The following CACNA2D3 variants were observed in gnomAD, a reference collection of about 807,000 sequenced individuals.
CACNA2D3 encodes the protein voltage-dependent calcium channel subunit alpha-2/delta-3.
A neutral mutation model predicts 160.6 loss-of-function variants in CACNA2D3; 60 were observed. The ratio of observed to expected loss-of-function variants is 0.37; its 90% CI spans 0.30 to 0.46. CACNA2D3 has a LOEUF of 0.46. Ranked by LOEUF, CACNA2D3 falls within the 20% of genes least tolerant of loss-of-function variation. CACNA2D3 has a pLI of 1.00. For synonymous variants in CACNA2D3, 558 were observed against 492.9 expected (o/e 1.13, Z -1.75); for missense variants, 1,205 against 1,365.0 (o/e 0.88, Z 1.85).
At chr3:54,565,588 G>A (rs1009704007) in intron 6 of CACNA2D3, among the ~76,000 whole-genome samples, 1 of 152,114 alleles carries the variant, frequency 6.6e-6, no homozygotes, top group African/African-American at 2.4e-5. Flanking sequence ...GGCCACACAG[G>A]GGTAGTGAGC....
chr3:54,431,901 C>T (rs1211365479), intron 4 of CACNA2D3, among the ~76,000 whole-genome samples: 1 of 152,198 alleles, frequency 6.6e-6, no homozygotes, highest in East Asian at 1.9e-4. Flanking sequence ...AGCCACCACA[C>T]CTGGCCGACT....
intron 35 of CACNA2D3, among the ~76,000 whole-genome samples, chr3:55,020,617 A>G (rs769050720): frequency 2.6e-5 from 4 of 152,020 alleles, no homozygotes; most frequent in Non-Finnish European, 4.4e-5. Flanking sequence ...TGGGAGGCCA[A>G]GGCGGGTGTA....
chr3:54,914,113 A>G (rs2106914035), intron 27 of CACNA2D3, among the ~76,000 whole-genome samples: 1 of 152,306 alleles, frequency 6.6e-6, no homozygotes, highest in Non-Finnish European at 1.5e-5. Context: ...AACTGCATTT[A>G]TAAGTCTGCA....
chr3:54,682,258 A>G (rs929026505), intron 11 of CACNA2D3, among the ~76,000 whole-genome samples: 1 of 152,336 alleles, frequency 6.6e-6, no homozygotes, highest in Non-Finnish European at 1.5e-5. Context: ...AAGGAAACAG[A>G]GGCATAATTA....
chr3:54,798,916 G>A (rs569246626), intron 13 of CACNA2D3, among the ~76,000 whole-genome samples: 1 of 152,306 alleles, frequency 6.6e-6, no homozygotes, highest in South Asian at 2.1e-4. Flanking sequence ...TTACTCAGCT[G>A]CCTGAACTCT....
intron 35 of CACNA2D3, among the ~76,000 whole-genome samples, chr3:55,073,137 C>T (rs914809444): frequency 6.6e-6 from 1 of 152,130 alleles, no homozygotes; most frequent in Admixed American, 6.5e-5. Flanking sequence ...AGTCTGACCT[C>T]TTAAACCTTG....
At chr3:54,648,954 A>G (rs1475472043) in intron 11 of CACNA2D3, among the ~76,000 whole-genome samples, 1 of 152,176 alleles carries the variant, frequency 6.6e-6, no homozygotes, top group East Asian at 1.9e-4. Context: ...CAACCCCATG[A>G]CCCAAACACC....
chr3:54,239,271 G>A (rs187393190), intron 2 of CACNA2D3, among the ~76,000 whole-genome samples: 5 of 152,296 alleles, frequency 3.3e-5, no homozygotes, highest in Non-Finnish European at 5.9e-5. Flanking sequence ...AACTCTGTAA[G>A]CAAGAATGCA....
rs1376915165 is a variant in CACNA2D3 at position 54,420,797 on chromosome 3, G to C, written c.381+34023G>C. Reference sequence around the variant, plus strand: ...GTGCTGCACCTGGGATGCAAAATTAGCTGAGTTTGTTGTTGTTTGTTTTTT... The same window carrying C: ...GTGCTGCACCTGGGATGCAAAATTACCTGAGTTTGTTGTTGTTTGTTTTTT... On this transcript the variant is annotated intron_variant, in intron 4 of 37. Transcript: ENST00000474759. Among the ~76,000 whole-genome samples, 3 of 152,224 alleles carry C rather than the reference G, an allele frequency of 2.0e-5. No individual in the cohort carries two copies. The East Asian group carries it at 5.8e-4, about 29-fold the overall frequency.
At chr3:54,726,597 G>A (rs892307266) in intron 11 of CACNA2D3, among the ~76,000 whole-genome samples, 2 of 151,954 alleles carry the variant, frequency 1.3e-5, no homozygotes, top group Admixed American at 6.6e-5. Context: ...CAGAGGCCTC[G>A]GAAATAACAC....
chr3:54,918,903 C>T, intron 27 of CACNA2D3: 2 of 1,515,734 alleles, frequency 1.3e-6, no homozygotes. Context: ...CTTTAAAAAA[C>T]AAAAGCAAAG....
chr3:54,485,168 A>G (rs1264625087), intron 4 of CACNA2D3, among the ~76,000 whole-genome samples: 2 of 152,160 alleles, frequency 1.3e-5, no homozygotes, highest in African/African-American at 2.4e-5. Context: ...AATTTTAAAT[A>G]CAGTTTACTA....
intron 13 of CACNA2D3, among the ~76,000 whole-genome samples, chr3:54,766,953 C>A (rs1043733903): frequency 2.0e-5 from 3 of 149,128 alleles, no homozygotes; most frequent in Admixed American, 1.3e-4. Flanking sequence ...AAAGAAAAAG[C>A]AAAAACAAGA....
rs924965647 is a variant in CACNA2D3 at position 54,272,123 on chromosome 3, T to C, written c.205-48319T>C. ...CACATACCTTCCCATATCCATGGGC[T>C]ACAGCTGGACATGGCCCCGCCACCC... On this transcript the variant is annotated intron_variant, in intron 2 of 37. Coordinates refer to ENST00000474759, the MANE Select transcript of CACNA2D3 (RefSeq NM_018398.3). 1.8e-4 allele frequency among the ~76,000 whole-genome samples: 27 copies of C among 152,290 alleles called. 2 individuals carry two copies. The South Asian group carries it at 3.3e-3, about 19-fold the overall frequency.
intron 21 of CACNA2D3, among the ~76,000 whole-genome samples, chr3:54,881,431 C>T (rs775268539): frequency 3.3e-5 from 5 of 152,164 alleles, no homozygotes; most frequent in Non-Finnish European, 5.9e-5. Context: ...TTCCCAGACC[C>T]TCTTATCTTC....
At chr3:54,523,453 C>T (rs753995783) in intron 5 of CACNA2D3, among the ~76,000 whole-genome samples, 18 of 152,100 alleles carry the variant, frequency 1.2e-4, no homozygotes, top group Non-Finnish European at 2.1e-4. Context: ...GTTAGTATGA[C>T]GTTTTTGCAG....
At chr3:54,993,047 G>C (rs1702776791) in intron 31 of CACNA2D3, among the ~76,000 whole-genome samples, 1 of 152,152 alleles carries the variant, frequency 6.6e-6, no homozygotes. Flanking sequence ...GCAGTACCAA[G>C]GGGGGAAATC....
chr3:55,061,382 T>C (rs1559477078), intron 35 of CACNA2D3, among the ~76,000 whole-genome samples: 1 of 152,174 alleles, frequency 6.6e-6, no homozygotes, highest in Non-Finnish European at 1.5e-5. Flanking sequence ...GAGCCATGCT[T>C]ATGGCTTCTA....
At chr3:54,884,352 G>A (rs1469200680) in intron 21 of CACNA2D3, among the ~76,000 whole-genome samples, 1 of 152,182 alleles carries the variant, frequency 6.6e-6, no homozygotes, top group Non-Finnish European at 1.5e-5. Context: ...ATGCAATGAT[G>A]TTCATTCTAA....
Sources: gnomAD v4.1 joint callset for allele counts (sites outside exome capture counted in the v4.1 genomes callset) on GRCh38, gnomAD v4.1.1 for gene constraint, MANE v1.5 for transcripts, NCBI Gene and HGNC (gene_info 2026-07-23, HGNC 2026-07-21) for gene names.